LRP1B: variants seen among roughly 807,000 people sequenced by gnomAD.
LRP1B encodes the protein LDL receptor related protein 1B, also known as low-density lipoprotein receptor-related protein 1B.
A neutral mutation model predicts 556.6 loss-of-function variants in LRP1B; 217 were observed. That is an observed-to-expected ratio of 0.39 (90% CI 0.35 to 0.44). The LOEUF (loss-of-function observed/expected upper bound fraction) is 0.44, where lower values mean the gene tolerates loss of function less well. Ranked by LOEUF, LRP1B falls within the 20% of genes least tolerant of loss-of-function variation. The pLI, the probability that LRP1B is intolerant of heterozygous loss-of-function variation, is 1.00. For synonymous variants in LRP1B, 2,047 were observed against 1,865.8 expected (o/e 1.10, Z -2.50); for missense variants, 5,053 against 5,620.8 (o/e 0.90, Z 3.23).
At position 140,850,310 on chromosome 2, in the gene LRP1B, A is replaced by G; in HGVS notation, c.4731T>C (p.Leu1577=). 6.3e-7 allele frequency: 1 copy of G among 1,596,904 alleles called. No homozygotes were observed. The highest frequency in any genetic ancestry group is 1.1e-5 in the South Asian group (1 of 87,462). ...CTCTGATTTCAGAACGTCTTGCATA[A>G]AGAAGAAATTTTTTCATTTCTAAAA... ...KTCYEMKKFL[L]YARRSEIRGV... The change falls in exon 29 of 91, where the codon CTT becomes CTC. Residue 1577 remains leucine, a synonymous_variant. Transcript: ENST00000389484.
intron 18 of LRP1B, among the ~76,000 whole-genome samples, chr2:140,958,316 A>G (rs899014626): frequency 1.3e-5 from 2 of 151,612 alleles, no homozygotes; most frequent in Non-Finnish European, 3.0e-5. Flanking sequence ...AAAGGTAAGG[A>G]CAAAAATAAA....
chr2:141,236,707 C>T (rs1683658273), intron 5 of LRP1B, among the ~76,000 whole-genome samples: 1 of 152,052 alleles, frequency 6.6e-6, no homozygotes, highest in African/African-American at 2.4e-5. Context: ...TTACACACTG[C>T]CTTCAAATCT....
chr2:142,052,795 C>T (rs1318827828), intron 1 of LRP1B, among the ~76,000 whole-genome samples: 1 of 152,066 alleles, frequency 6.6e-6, no homozygotes, highest in Non-Finnish European at 1.5e-5. Flanking sequence ...TGGGAATTTG[C>T]ATGTGCCAAA....
In LRP1B at chr2:140,777,438, G is replaced by A. The variant is rs530428468; in HGVS notation, c.5360-1200C>T. Among the ~76,000 whole-genome samples, 187 of 152,220 alleles carry A rather than the reference G, an allele frequency of 1.2e-3. 1 individual carries two copies. The highest frequency in any genetic ancestry group is 4.3e-3 in the African/African-American group (180 of 41,550). On this transcript the variant is annotated intron_variant, in intron 32 of 90. Transcript: ENST00000389484. ...ATGGGAATCAAATCCTGGCCCCCAG[G>A]TCCCTCCTGAAACTAAACCTACAAG...
chr2:140,810,827 C>T (rs1043061183), intron 32 of LRP1B, among the ~76,000 whole-genome samples: 1 of 152,116 alleles, frequency 6.6e-6, no homozygotes, highest in African/African-American at 2.4e-5. Context: ...ACCTCCACCT[C>T]CCAGGTTCAA....
At chr2:141,495,235 G>A (rs1465327512) in intron 2 of LRP1B, among the ~76,000 whole-genome samples, 1 of 152,090 alleles carries the variant, frequency 6.6e-6, no homozygotes, top group Non-Finnish European at 1.5e-5. Context: ...GATAAATACT[G>A]TTGTAGCAAG....
Position 141,652,867 on chromosome 2 carries a change from T to A in LRP1B, c.205+157412A>T, listed in dbSNP as rs931757765. 3.9e-5 allele frequency among the ~76,000 whole-genome samples: 6 copies of A among 152,158 alleles called. No individual in the cohort carries two copies. In the East Asian group the frequency reaches 1.2e-3, roughly 29 times the overall value. On this transcript the variant is annotated intron_variant, in intron 2 of 90. Transcript: ENST00000389484. ...AGAGAAGAATGTCTACCTCTTGTCA[T>A]ATATAAGGCTTACTTGACAGTTGGC... is the stretch of plus-strand genomic sequence containing the variant.
At chr2:140,274,641 G>T in intron 84 of LRP1B, 43 bp from the exon 85 acceptor site, 3 of 1,536,894 alleles carry the variant, frequency 2.0e-6, no homozygotes, top group South Asian at 2.4e-5. Flanking sequence ...TTATATTACA[G>T]GACATTTTTC....
At chr2:140,464,816 G>A (rs888070724) in intron 60 of LRP1B, among the ~76,000 whole-genome samples, 8 of 152,114 alleles carry the variant, frequency 5.3e-5, no homozygotes, top group African/African-American at 7.2e-5. Flanking sequence ...AAAAACTGAA[G>A]CCTTTGAAAA....
At chr2:140,292,037 G>T (rs1683410499) in intron 84 of LRP1B, among the ~76,000 whole-genome samples, 1 of 152,052 alleles carries the variant, frequency 6.6e-6, no homozygotes, top group Admixed American at 6.6e-5. Flanking sequence ...CTGTGGTTTT[G>T]ATTTGCATTT....
chr2:142,021,505 A>G (rs1316732374), intron 1 of LRP1B, among the ~76,000 whole-genome samples: 1 of 152,158 alleles, frequency 6.6e-6, no homozygotes, highest in Admixed American at 6.5e-5. Context: ...TAAACTGTGT[A>G]TTTGTTATTT....
rs1684798824 is a variant in LRP1B at position 141,264,072 on chromosome 2, A to G, written c.344-9431T>C. 2.0e-5 allele frequency among the ~76,000 whole-genome samples: 3 copies of G among 152,312 alleles called. No individual in the cohort carries two copies. In the East Asian group the frequency reaches 5.8e-4, roughly 29 times the overall value. On this transcript the variant is annotated intron_variant, in intron 3 of 90. Coordinates refer to ENST00000389484, the MANE Select transcript of LRP1B (RefSeq NM_018557.3). ...TCTCTTACCATTTATATTCAGTAATATATTGAAGTTTGTAACCAGTGCATT... is the reference window on the plus strand; with the variant it reads ...TCTCTTACCATTTATATTCAGTAATGTATTGAAGTTTGTAACCAGTGCATT...
chr2:140,367,449 A>C (rs1270417528), intron 71 of LRP1B, among the ~76,000 whole-genome samples: 1 of 151,698 alleles, frequency 6.6e-6, no homozygotes, highest in African/African-American at 2.4e-5. Context: ...GAATCCACCA[A>C]AGTGAATATC....
chr2:141,944,903 G>A (rs1471280957), intron 1 of LRP1B, among the ~76,000 whole-genome samples: 1 of 152,008 alleles, frequency 6.6e-6, no homozygotes, highest in Non-Finnish European at 1.5e-5. Context: ...GCTTTAACTG[G>A]TTTCTGTCAA....
intron 23 of LRP1B, among the ~76,000 whole-genome samples, chr2:140,894,170 G>A (rs1693879617): frequency 6.6e-6 from 1 of 152,136 alleles, no homozygotes; most frequent in Non-Finnish European, 1.5e-5. Flanking sequence ...CCCCAAGGCA[G>A]CAAATCTGCT....
chr2:140,681,996 GTC>G (rs1685876077), intron 41 of LRP1B, among the ~76,000 whole-genome samples: 1 of 152,156 alleles, frequency 6.6e-6, no homozygotes, highest in Non-Finnish European at 1.5e-5. Context: ...ACATTCTGAA[GTC>G]TCTTCTATTT....
In LRP1B at chr2:141,277,665, C is replaced by CT. The variant is rs374385237; in HGVS notation, c.344-23025dup. 7.0e-3 allele frequency among the ~76,000 whole-genome samples: 971 copies of CT among 138,204 alleles called. 11 individuals carry two copies. The highest frequency in any genetic ancestry group is 0.011 in the African/African-American group (410 of 37,988). 90.7% of individuals were successfully genotyped at this position (138,204 alleles called of 152,430 possible). A position where few individuals can be genotyped will look rare whatever the true frequency, so the allele number is the denominator to read the frequency against. On this transcript the variant is annotated intron_variant, in intron 3 of 90. Coordinates refer to ENST00000389484, the MANE Select transcript of LRP1B (RefSeq NM_018557.3). ...TTTTTTGTTGTTGTTGTTTTTCATC[C>CT]TTTTTTTTTTTTTTTCTGTTGGTGC...
rs967500041 is a variant in LRP1B, at chr2:141,415,735, T to A, written c.343+64661A>T. Among the ~76,000 whole-genome samples, 3 of 64,684 alleles carry A rather than the reference T, an allele frequency of 4.6e-5. No individual in the cohort carries two copies. In the South Asian group the frequency reaches 2.1e-3, roughly 46 times the overall value. The allele number at this position is 64,684 out of a possible 152,430, so 42.4% of individuals were successfully genotyped here. A position where few individuals can be genotyped will look rare whatever the true frequency, so the allele number is the denominator to read the frequency against. On this transcript the variant is annotated intron_variant, in intron 3 of 90. Coordinates refer to ENST00000389484, the MANE Select transcript of LRP1B (RefSeq NM_018557.3). The stretch of plus-strand genomic sequence containing the variant: ...ATTTAATATGTATGCATTTCAGTTC[T>A]TTTTTTTTAAATATTACTTGTAAAT...
chr2:141,102,549 G>T (rs1700489489), intron 7 of LRP1B, among the ~76,000 whole-genome samples: 1 of 152,004 alleles, frequency 6.6e-6, no homozygotes. Context: ...GATTCTCCCT[G>T]TTGTCCACAA....
Sources: gnomAD v4.1 joint callset for allele counts (sites outside exome capture counted in the v4.1 genomes callset) on GRCh38, gnomAD v4.1.1 for gene constraint, MANE v1.5 for transcripts, NCBI Gene and HGNC (gene_info 2026-07-23, HGNC 2026-07-21) for gene names.